The following ANKRD55 variants were observed in gnomAD, a reference collection of about 807,000 sequenced individuals.
The protein encoded by ANKRD55 is ankyrin repeat domain 55, also known as ankyrin repeat domain-containing protein 55.
ANKRD55 carries 41 observed loss-of-function variants against 60.6 expected under a neutral mutation model. That is an observed-to-expected ratio of 0.68 (90% CI 0.53 to 0.88). The LOEUF (loss-of-function observed/expected upper bound fraction) is 0.88, where lower values mean the gene tolerates loss of function less well. ANKRD55 is among the 40% of genes least tolerant of loss of function. The pLI is 0.00. For missense variants in ANKRD55, 732 were observed against 767.6 expected, an observed-to-expected ratio of 0.95 and a Z score of 0.55; for synonymous variants, 264 against 290.3, an observed-to-expected ratio of 0.91 and a Z score of 0.92.
chr5:56,139,767 G>C (rs1369751464), intron 7 of ANKRD55, among the ~76,000 whole-genome samples: 3 of 152,210 alleles, frequency 2.0e-5, no homozygotes, highest in African/African-American at 7.2e-5. Flanking sequence ...TTTGTTGGAA[G>C]AGCTCTGTAA....
intron 7 of ANKRD55, among the ~76,000 whole-genome samples, chr5:56,129,832 CT>C (rs1360259565): frequency 6.6e-6 from 1 of 152,200 alleles, no homozygotes; most frequent in Non-Finnish European, 1.5e-5. Flanking sequence ...GAGGCCAGTG[CT>C]TTAGCCTCTG....
chr5:56,173,540 G>GCC (rs1758656428), intron 4 of ANKRD55, among the ~76,000 whole-genome samples: 1 of 75,982 alleles, frequency 1.3e-5, no homozygotes, highest in Non-Finnish European at 2.5e-5. Context: ...GTAGAGATTC[G>GCC]CCTCTCTCTC....
At chr5:56,231,816 G>A (rs889322759) in intron 2 of ANKRD55, among the ~76,000 whole-genome samples, 1 of 152,022 alleles carries the variant, frequency 6.6e-6, no homozygotes, top group Non-Finnish European at 1.5e-5. Context: ...AACCCCCTGG[G>A]CTAAAATAAT....
intron 2 of ANKRD55, among the ~76,000 whole-genome samples, chr5:56,227,853 G>A (rs968144190): frequency 6.6e-6 from 1 of 152,184 alleles, no homozygotes; most frequent in Non-Finnish European, 1.5e-5. Flanking sequence ...CCTTAGGACA[G>A]AGCCTGGATC....
chr5:56,226,785 G>A (rs1334419371), intron 2 of ANKRD55, among the ~76,000 whole-genome samples: 1 of 152,180 alleles, frequency 6.6e-6, no homozygotes, highest in East Asian at 1.9e-4. Context: ...AAACCACAAT[G>A]AGATACCATC....
rs944686559 is a variant in ANKRD55, at chr5:56,172,105, C to T, written c.313-1302G>A. Among the ~76,000 whole-genome samples the T allele has an allele frequency of 7.9e-5, 11 of 139,442 alleles. No individual in the cohort carries two copies. The South Asian group carries it at 1.6e-3, about 20-fold the overall frequency. The allele number at this position is 139,442 out of a possible 152,430, so 91.5% of individuals were successfully genotyped here. A position where few individuals can be genotyped will look rare whatever the true frequency, so the allele number is the denominator to read the frequency against. On this transcript the variant is annotated intron_variant, in intron 4 of 11. Coordinates refer to ENST00000341048, the MANE Select transcript of ANKRD55 (RefSeq NM_024669.3). ...CTGCACTCCAACCTGGGCGACAGAACGAGACTCTGTCTCAAGAAAAAAAAA... is the reference window on the plus strand; with the variant it reads ...CTGCACTCCAACCTGGGCGACAGAATGAGACTCTGTCTCAAGAAAAAAAAA...
chr5:56,153,816 A>G (rs376786175), intron 6 of ANKRD55, among the ~76,000 whole-genome samples: 30 of 151,940 alleles, frequency 2.0e-4, no homozygotes, highest in African/African-American at 7.3e-4. Flanking sequence ...CGGCCTGGAC[A>G]GGGCAAGACT....
At chr5:56,227,157 C>T (rs1760134970) in intron 2 of ANKRD55, among the ~76,000 whole-genome samples, 1 of 151,912 alleles carries the variant, frequency 6.6e-6, no homozygotes, top group African/African-American at 2.4e-5. Flanking sequence ...ACTATGCAGC[C>T]ATAAAAAAGG....
At chr5:56,220,725 A>T (rs189395697) in intron 2 of ANKRD55, among the ~76,000 whole-genome samples, 1 of 152,272 alleles carries the variant, frequency 6.6e-6, no homozygotes, top group East Asian at 1.9e-4. Flanking sequence ...AGGCAGGAGA[A>T]CTGCTTGAAC....
At chr5:56,122,967 T>C (rs6860620) in intron 8 of ANKRD55, among the ~76,000 whole-genome samples, 8,622 of 151,924 alleles carry the variant, frequency 0.057, 917 homozygotes, top group African/African-American at 0.2. Context: ...GGTTTCGCCA[T>C]GTTGCCAAGG....
rs574359613 is a variant in ANKRD55, at chr5:56,120,216, T to A, written c.798-3434A>T. The stretch of plus-strand genomic sequence containing the variant: ...CACACCCAGCTAATTTTTGTATTTT[T>A]AGTAGAGACAGGGTTTCATCATGTT... On this transcript the variant is annotated intron_variant, in intron 8 of 11. Coordinates refer to ENST00000341048, the MANE Select transcript of ANKRD55 (RefSeq NM_024669.3). Among the ~76,000 whole-genome samples the A allele has an allele frequency of 5.9e-5, 9 of 152,234 alleles. 1 individual carries two copies. The South Asian group carries it at 1.9e-3, about 32-fold the overall frequency.
intron 10 of ANKRD55, among the ~76,000 whole-genome samples, chr5:56,103,205 G>A (rs1408766202): frequency 6.6e-6 from 1 of 152,238 alleles, no homozygotes; most frequent in East Asian, 1.9e-4. Context: ...ACAGAAAGCA[G>A]TGGTGTGTGC....
intron 7 of ANKRD55, among the ~76,000 whole-genome samples, chr5:56,137,843 A>G (rs1165981199): frequency 6.6e-6 from 1 of 152,212 alleles, no homozygotes; most frequent in Non-Finnish European, 1.5e-5. Flanking sequence ...GAAAACAACA[A>G]TGATATTTAA....
rs376402466 is a variant in ANKRD55 at position 56,127,002 on chromosome 5, C to T, written c.717G>A (p.Ala239=). 1.0e-4 allele frequency: 162 copies of T among 1,613,872 alleles called. No individual in the cohort carries two copies. Among genetic ancestry groups the T allele is most frequent in the East Asian group, 1.3e-4 (6 of 44,872 alleles). Residue 239 remains alanine (A), a synonymous_variant, in exon 8 of 12, where the codon GCG becomes GCA. Transcript: ENST00000341048. ...GAATAATATCGCTGAAGCCCGCTGC[C>T]GCTGCGATATGTACACATGTCTTCC... ...ESGKTCVHIA[A]AAGFSDIIHE...
At chr5:56,210,390 G>A (rs938577903) in intron 2 of ANKRD55, among the ~76,000 whole-genome samples, 1 of 151,576 alleles carries the variant, frequency 6.6e-6, no homozygotes, top group Admixed American at 6.6e-5. Flanking sequence ...GTGAAACCCC[G>A]TCTCTACTAA....
chr5:56,115,045 G>A (rs746848085), intron 9 of ANKRD55, among the ~76,000 whole-genome samples: 13 of 151,514 alleles, frequency 8.6e-5, no homozygotes, highest in Non-Finnish European at 1.6e-4. Context: ...CAAAAAACAA[G>A]AAAACCCAGC....
At chr5:56,147,504 C>G (rs1757927943) in intron 6 of ANKRD55, among the ~76,000 whole-genome samples, 1 of 152,194 alleles carries the variant, frequency 6.6e-6, no homozygotes, top group African/African-American at 2.4e-5. Flanking sequence ...AGTTGGCAAA[C>G]ATTTATTTTT....
chr5:56,189,333 G>A (rs976085790), intron 2 of ANKRD55, among the ~76,000 whole-genome samples: 8 of 149,682 alleles, frequency 5.3e-5, no homozygotes, highest in African/African-American at 2.0e-4. Flanking sequence ...AAAAAATGTG[G>A]TAAAAGATAC....
chr5:56,146,159 G>T (rs184675025), intron 6 of ANKRD55, among the ~76,000 whole-genome samples: 1 of 152,136 alleles, frequency 6.6e-6, no homozygotes, highest in Non-Finnish European at 1.5e-5. Context: ...TTACTGGAGC[G>T]TAAGTTGCAT....
Sources: gnomAD v4.1 joint callset for allele counts (sites outside exome capture counted in the v4.1 genomes callset) on GRCh38, gnomAD v4.1.1 for gene constraint, MANE v1.5 for transcripts, NCBI Gene and HGNC (gene_info 2026-07-23, HGNC 2026-07-21) for gene names.